EIF2AK2: variants seen among roughly 807,000 people sequenced by gnomAD.
EIF2AK2 encodes eukaryotic translation initiation factor 2 alpha kinase 2, also known as interferon-induced, double-stranded RNA-activated protein kinase.
In EIF2AK2, 40 loss-of-function variants were observed where a neutral mutation model predicts 70.5. The ratio of observed to expected loss-of-function variants is 0.57; its 90% CI spans 0.44 to 0.74. The LOEUF (loss-of-function observed/expected upper bound fraction) is 0.74, where lower values mean the gene tolerates loss of function less well. Ranked by LOEUF, EIF2AK2 falls within the 30% of genes least tolerant of loss-of-function variation. The probability of loss-of-function intolerance (pLI) is 0.00; values close to 1 mark genes in which losing one functional copy is unlikely to be tolerated. For missense variants in EIF2AK2, 555 were observed against 644.3 expected, an observed-to-expected ratio of 0.86 and a Z score of 1.50; for synonymous variants, 198 against 220.9, an observed-to-expected ratio of 0.90 and a Z score of 0.92.
rs1056694269 is a variant in EIF2AK2 at position 37,099,434 on chromosome 2, A to C, written c.*7839T>G. On this transcript the variant is annotated 3_prime_UTR_variant, in exon 17 of 17. Coordinates refer to ENST00000233057, the MANE Select transcript of EIF2AK2 (RefSeq NM_001135651.3). ...ACAGTGTAATGAAATTAGCAGTATA[A>C]TGAAGAAAAGTGCTGTGTAGGAATG... 2 of 152,244 alleles carry C rather than the reference A, an allele frequency of 1.3e-5. No homozygotes were observed. Among genetic ancestry groups the C allele is most frequent in the Admixed American group, 6.5e-5 (1 of 15,282 alleles). 9.4% of individuals were successfully genotyped at this position (152,244 alleles called of 1,614,324 possible).
intron 1 of EIF2AK2, among the ~76,000 whole-genome samples, chr2:37,155,879 T>G (rs560792403): frequency 1.1e-4 from 16 of 149,542 alleles, no homozygotes; most frequent in Admixed American, 3.4e-4. Flanking sequence ...AGGCAGAGGT[T>G]GCAGTGAGCC....
intron 10 of EIF2AK2, 49 bp from the exon 11 acceptor site, chr2:37,126,460 AC>A (rs760237084): frequency 1.8e-5 from 26 of 1,478,390 alleles, no homozygotes; most frequent in African/African-American, 3.0e-5. Flanking sequence ...CTCAACCCCC[AC>A]CCCCCCGCCT....
At chr2:37,148,560 G>C (rs1367520774) in intron 2 of EIF2AK2, 2 of 758,702 alleles carry the variant, frequency 2.6e-6, no homozygotes, top group African/African-American at 3.5e-5. Context: ...GTCCAGCTTC[G>C]TACTACAAAT....
intron 1 of EIF2AK2, among the ~76,000 whole-genome samples, chr2:37,152,725 C>T (rs1573045341): frequency 6.6e-6 from 1 of 152,210 alleles, no homozygotes; most frequent in East Asian, 1.9e-4. Flanking sequence ...ACGCCATTAC[C>T]TCTAAAGTTT....
At chr2:37,154,472 C>G (rs949696687) in intron 1 of EIF2AK2, among the ~76,000 whole-genome samples, 10 of 152,194 alleles carry the variant, frequency 6.6e-5, no homozygotes, top group African/African-American at 2.4e-4. Context: ...TCCTTCTCTA[C>G]TTGACTTACA....
intron 6 of EIF2AK2, among the ~76,000 whole-genome samples, chr2:37,139,429 C>G (rs1444335555): frequency 1.3e-5 from 2 of 151,804 alleles, no homozygotes; most frequent in Non-Finnish European, 2.9e-5. Flanking sequence ...AGTTTAAAAA[C>G]TACCCTGAGT....
chr2:37,142,497 T>A (rs1176527940), intron 4 of EIF2AK2, among the ~76,000 whole-genome samples: 2 of 152,050 alleles, frequency 1.3e-5, no homozygotes, highest in Non-Finnish European at 2.9e-5. Context: ...CTTTTTTTTT[T>A]ATTTTTTATT....
At chr2:37,152,790 C>T (rs1675792088) in intron 1 of EIF2AK2, among the ~76,000 whole-genome samples, 1 of 152,192 alleles carries the variant, frequency 6.6e-6, no homozygotes, top group Admixed American at 6.5e-5. Context: ...AAATTCTCCA[C>T]TTGAACATCT....
chr2:37,109,376 G>T, intron 14 of EIF2AK2, 81 bp from the exon 15 acceptor site: 1 of 1,170,086 alleles, frequency 8.5e-7, no homozygotes, highest in Non-Finnish European at 1.2e-6. Flanking sequence ...AAAGTTATTT[G>T]ACCAAAACAT....
intron 5 of EIF2AK2, among the ~76,000 whole-genome samples, chr2:37,141,294 C>G (rs1332110685): frequency 4.6e-5 from 7 of 152,090 alleles, no homozygotes; most frequent in Admixed American, 4.6e-4. Context: ...CTTGGGTGTT[C>G]CACAGACTAA....
chr2:37,111,381 G>C (rs1021682954), intron 14 of EIF2AK2, among the ~76,000 whole-genome samples: 2 of 150,788 alleles, frequency 1.3e-5, no homozygotes, highest in African/African-American at 2.4e-5. Context: ...ACAAATTAGA[G>C]ATATGGAATT....
intron 10 of EIF2AK2, among the ~76,000 whole-genome samples, 166 bp from the exon 11 acceptor site, chr2:37,126,577 C>T (rs1674737649): frequency 6.6e-6 from 1 of 151,948 alleles, no homozygotes; most frequent in African/African-American, 2.4e-5. Context: ...TCTTGACTCA[C>T]AAAGAGTAGT....
chr2:37,121,187 C>T (rs1207572981), intron 12 of EIF2AK2, among the ~76,000 whole-genome samples: 1 of 133,486 alleles, frequency 7.5e-6, no homozygotes, highest in Non-Finnish European at 1.6e-5. Flanking sequence ...ACTGTGAATC[C>T]GGGAGGCAGA....
chr2:37,139,664 T>C lies in EIF2AK2; in HGVS notation c.483A>G (p.Ala161=), dbSNP rs1558424717. ...QEAKQLAAKL[A]YLQILSEETS... Reference sequence around the variant, plus strand: ...TTTCTTCTGATAATATCTGAAGATATGCAAGTTTAGCGGCCAATTGTTTTG... The same window carrying C: ...TTTCTTCTGATAATATCTGAAGATACGCAAGTTTAGCGGCCAATTGTTTTG... The change falls in exon 6 of 17, where the codon GCA becomes GCG. Residue 161 remains alanine (A), a synonymous_variant. Transcript: ENST00000233057. The C allele has an allele frequency of 3.7e-6, 6 of 1,614,128 alleles. No homozygotes were observed. In the African/African-American group the frequency reaches 4.0e-5, roughly 11 times the overall value.
intron 1 of EIF2AK2, among the ~76,000 whole-genome samples, chr2:37,151,190 T>C (rs1675728226): frequency 6.6e-6 from 1 of 152,270 alleles, no homozygotes; most frequent in East Asian, 1.9e-4. Flanking sequence ...TTACAAATCA[T>C]ATATCTGATG....
At chr2:37,140,868 TA>T (rs1368597655) in intron 5 of EIF2AK2, among the ~76,000 whole-genome samples, 2 of 150,662 alleles carry the variant, frequency 1.3e-5, no homozygotes, top group South Asian at 2.1e-4. Context: ...GCCATGTAGA[TA>T]TTTTTTTTCT....
At chr2:37,114,125 A>C (rs962856231) in intron 14 of EIF2AK2, among the ~76,000 whole-genome samples, 25 of 152,084 alleles carry the variant, frequency 1.6e-4, no homozygotes, top group African/African-American at 6.0e-4. Context: ...TAAGTAAATA[A>C]ATAATTAATA....
At chr2:37,136,362 C>A (rs1675126498) in intron 9 of EIF2AK2, among the ~76,000 whole-genome samples, 1 of 152,222 alleles carries the variant, frequency 6.6e-6, no homozygotes, top group African/African-American at 2.4e-5. Context: ...CATGTCCACT[C>A]TTCCTTTACA....
chr2:37,154,584 G>C (rs1675856695), intron 1 of EIF2AK2, among the ~76,000 whole-genome samples: 1 of 152,000 alleles, frequency 6.6e-6, no homozygotes, highest in South Asian at 2.1e-4. Context: ...TTTTGAGACA[G>C]AGTTTCGCTC....
Sources: allele counts gnomAD v4.1 joint callset (sites outside exome capture counted in the v4.1 genomes callset), GRCh38; gene constraint gnomAD v4.1.1; transcripts MANE v1.5; gene names NCBI Gene and HGNC (gene_info 2026-07-23, HGNC 2026-07-21).